Variants in ARHGAP24 observed in about 807,000 individuals in gnomAD.
ARHGAP24 encodes Rho GTPase activating protein 24.
In ARHGAP24, 50 loss-of-function variants were observed where a neutral mutation model predicts 76.4. That is an observed-to-expected ratio of 0.65 (90% CI 0.52 to 0.83). The LOEUF is 0.83. ARHGAP24 is among the 40% of genes least tolerant of loss of function. ARHGAP24 has a pLI of 0.00. For synonymous variants in ARHGAP24, 345 were observed against 323.3 expected, an observed-to-expected ratio of 1.07 and a Z score of -0.72; for missense variants, 930 against 914.2, an observed-to-expected ratio of 1.02 and a Z score of -0.22.
intron 2 of ARHGAP24, among the ~76,000 whole-genome samples, chr4:85,664,430 C>G (rs953721660): frequency 2.0e-5 from 3 of 151,204 alleles, no homozygotes; most frequent in African/African-American, 4.9e-5. Flanking sequence ...TGCTAGCAGT[C>G]TATCAATTTT....
At chr4:85,750,855 C>T (rs551048567) in intron 3 of ARHGAP24, among the ~76,000 whole-genome samples, 2 of 152,286 alleles carry the variant, frequency 1.3e-5, no homozygotes, top group South Asian at 4.1e-4. Context: ...TGTTCCTCTT[C>T]CCTGTTTCAC....
chr4:85,769,493 G>A (rs1212465139), intron 3 of ARHGAP24, among the ~76,000 whole-genome samples: 3 of 151,648 alleles, frequency 2.0e-5, no homozygotes, highest in Admixed American at 6.6e-5. Context: ...GAAAGATAAT[G>A]TTTTCTTTCC....
At chr4:85,662,817 C>G (rs1353828359) in intron 2 of ARHGAP24, among the ~76,000 whole-genome samples, 1 of 152,126 alleles carries the variant, frequency 6.6e-6, no homozygotes, top group South Asian at 2.1e-4. Flanking sequence ...TGTCAAAGAT[C>G]AGATAGTTGT....
intron 1 of ARHGAP24, among the ~76,000 whole-genome samples, chr4:85,540,458 G>T (rs1222795966): frequency 6.6e-6 from 1 of 152,150 alleles, no homozygotes. Context: ...CCCTTGAGAT[G>T]ATACCAGTCT....
intron 3 of ARHGAP24, among the ~76,000 whole-genome samples, chr4:85,867,581 C>A (rs1310504900): frequency 1.3e-5 from 2 of 151,790 alleles, no homozygotes; most frequent in African/African-American, 4.8e-5. Context: ...AATTGTTTGG[C>A]TTGCTTCATA....
chr4:85,927,459 T>A (rs1433310077), intron 4 of ARHGAP24, among the ~76,000 whole-genome samples: 2 of 152,186 alleles, frequency 1.3e-5, no homozygotes, highest in East Asian at 3.8e-4. Context: ...ACCATTGAAT[T>A]GTACATTTTA....
intron 1 of ARHGAP24, among the ~76,000 whole-genome samples, chr4:85,492,490 CA>C (rs1305089161): frequency 6.6e-6 from 1 of 152,018 alleles, no homozygotes; most frequent in Non-Finnish European, 1.5e-5. Flanking sequence ...ATAATGGATT[CA>C]AAAAAGCCTA....
chr4:85,792,519 A>T (rs900371900), intron 3 of ARHGAP24, among the ~76,000 whole-genome samples: 2 of 151,976 alleles, frequency 1.3e-5, no homozygotes, highest in Admixed American at 6.6e-5. Context: ...AGCTCTTAAA[A>T]TTTTTTTCAT....
intron 5 of ARHGAP24, among the ~76,000 whole-genome samples, chr4:85,951,136 C>G (rs1394780351): frequency 6.6e-6 from 1 of 151,964 alleles, no homozygotes; most frequent in Non-Finnish European, 1.5e-5. Flanking sequence ...CCCTTGGTCT[C>G]CGGTGGCAGA....
rs28721934 is a variant in ARHGAP24 at position 85,923,329 on chromosome 4, G to C, written c.269-319G>C. 0.18 allele frequency among the ~76,000 whole-genome samples: 26,798 copies of C among 151,878 alleles called. 2,522 individuals are homozygous for C. The highest frequency in any genetic ancestry group is 0.34 in the South Asian group (1,625 of 4,810). Reference sequence around the variant, plus strand: ...CTCTGTCTTTCATTTTGTTTTTGCTGTTTCTCCCTATTCAGCAGCTTCGCG... The same window carrying C: ...CTCTGTCTTTCATTTTGTTTTTGCTCTTTCTCCCTATTCAGCAGCTTCGCG... On this transcript the variant is annotated intron_variant, in intron 3 of 9. Coordinates refer to ENST00000395184, the MANE Select transcript of ARHGAP24 (RefSeq NM_001025616.3).
intron 3 of ARHGAP24, among the ~76,000 whole-genome samples, chr4:85,887,072 G>A (rs1401253656): frequency 6.6e-6 from 1 of 152,048 alleles, no homozygotes; most frequent in African/African-American, 2.4e-5. Flanking sequence ...GAAGTAACAA[G>A]AGCATACTCT....
At chr4:85,753,834 A>G (rs572633441) in intron 3 of ARHGAP24, among the ~76,000 whole-genome samples, 1 of 152,240 alleles carries the variant, frequency 6.6e-6, no homozygotes, top group South Asian at 2.1e-4. Flanking sequence ...ACCTATATAC[A>G]ATGTGTTATG....
At chr4:85,918,656 TA>T (rs1453667779) in intron 3 of ARHGAP24, among the ~76,000 whole-genome samples, 4 of 152,130 alleles carry the variant, frequency 2.6e-5, no homozygotes, top group African/African-American at 9.6e-5. Context: ...TTAATTTTTG[TA>T]AAAGTTGATC....
intron 3 of ARHGAP24, among the ~76,000 whole-genome samples, chr4:85,883,672 A>G (rs1318501920): frequency 6.6e-6 from 1 of 152,320 alleles, no homozygotes; most frequent in African/African-American, 2.4e-5. Flanking sequence ...CCAAGACAGT[A>G]TAGGGTCTAG....
At chr4:85,652,082 C>T (rs978772142) in intron 2 of ARHGAP24, among the ~76,000 whole-genome samples, 1 of 152,038 alleles carries the variant, frequency 6.6e-6, no homozygotes, top group Non-Finnish European at 1.5e-5. Flanking sequence ...AGTGTTATAG[C>T]AAAGCAAGAC....
chr4:85,677,835 T>A (rs993849577), intron 2 of ARHGAP24, among the ~76,000 whole-genome samples: 2 of 152,196 alleles, frequency 1.3e-5, no homozygotes, highest in Non-Finnish European at 2.9e-5. Flanking sequence ...TTTATCAAGT[T>A]TTTAAAGAGC....
At chr4:85,884,572 T>C (rs541811703) in intron 3 of ARHGAP24, among the ~76,000 whole-genome samples, 4 of 152,280 alleles carry the variant, frequency 2.6e-5, no homozygotes, top group Non-Finnish European at 5.9e-5. Context: ...ACAACAAGCC[T>C]CCATTCTGGG....
chr4:85,709,776 A>C (rs1724456898), intron 2 of ARHGAP24, among the ~76,000 whole-genome samples: 1 of 152,164 alleles, frequency 6.6e-6, no homozygotes, highest in Non-Finnish European at 1.5e-5. Flanking sequence ...GCCTATTCAC[A>C]ATTGCCACTA....
At chr4:85,495,453 C>T (rs1723537263) in intron 1 of ARHGAP24, among the ~76,000 whole-genome samples, 1 of 148,522 alleles carries the variant, frequency 6.7e-6, no homozygotes, top group Non-Finnish European at 1.5e-5. Flanking sequence ...CGGGTTCATG[C>T]CATTGTCCTG....
Sources: gnomAD v4.1 joint callset for allele counts (sites outside exome capture counted in the v4.1 genomes callset) on GRCh38, gnomAD v4.1.1 for gene constraint, MANE v1.5 for transcripts, NCBI Gene and HGNC (gene_info 2026-07-23, HGNC 2026-07-21) for gene names.